Variants in INPP4B observed in about 807,000 individuals in gnomAD.
The protein encoded by INPP4B is inositol polyphosphate-4-phosphatase type II B.
A neutral mutation model predicts 122.5 loss-of-function variants in INPP4B; 55 were observed. The ratio of observed to expected loss-of-function variants is 0.45; its 90% CI spans 0.36 to 0.56. INPP4B has a LOEUF of 0.56. INPP4B is among the 20% of genes least tolerant of loss of function. The probability of loss-of-function intolerance (pLI) is 0.00; values close to 1 mark genes in which losing one functional copy is unlikely to be tolerated. For missense variants in INPP4B, 1,000 were observed against 1,097.7 expected (o/e 0.91, Z 1.26); for synonymous variants, 403 against 388.7 (o/e 1.04, Z -0.43).
chr4:142,639,031 C>T (rs938561583), intron 2 of INPP4B, among the ~76,000 whole-genome samples: 3 of 152,138 alleles, frequency 2.0e-5, no homozygotes, highest in African/African-American at 7.2e-5. Context: ...CATCTAATGA[C>T]ATGATCATAT....
At chr4:142,743,676 G>T (rs1042851176) in intron 1 of INPP4B, among the ~76,000 whole-genome samples, 1 of 151,900 alleles carries the variant, frequency 6.6e-6, no homozygotes, top group African/African-American at 2.4e-5. Context: ...TGGAGATAAT[G>T]AGCTAAAGTA....
chr4:142,480,203 T>G (rs1820338818), intron 2 of INPP4B, among the ~76,000 whole-genome samples: 1 of 152,224 alleles, frequency 6.6e-6, no homozygotes, highest in African/African-American at 2.4e-5. Context: ...TTGTTCAAAT[T>G]GTTTTTAGTT....
At chr4:142,259,006 A>G (rs374936201) in intron 11 of INPP4B, among the ~76,000 whole-genome samples, 3 of 152,048 alleles carry the variant, frequency 2.0e-5, no homozygotes, top group East Asian at 1.9e-4. Context: ...CATATACACC[A>G]TGGAATACTA....
rs148277066 is a variant in INPP4B, at chr4:142,530,673, A to G, written c.-190-67947T>C. 2.7e-3 allele frequency among the ~76,000 whole-genome samples: 408 copies of G among 152,048 alleles called. 1 individual carries two copies. The highest frequency in any genetic ancestry group is 9.6e-3 in the African/African-American group (399 of 41,502). On this transcript the variant is annotated intron_variant, in intron 2 of 25. Transcript: ENST00000262992. ...CAATTTGATGGCTGCTGTTTTAGAT[A>G]GGGTGTTCATCATAGGTCTCTCTGA...
chr4:142,523,618 G>A (rs77415527), intron 2 of INPP4B, among the ~76,000 whole-genome samples: 3,980 of 151,884 alleles, frequency 0.026, 167 homozygotes, highest in African/African-American at 0.09. Flanking sequence ...CTCTCCTCCT[G>A]CTTTTAGCTT....
intron 1 of INPP4B, among the ~76,000 whole-genome samples, chr4:142,772,704 TG>T (rs1561052162): frequency 6.6e-6 from 1 of 152,144 alleles, no homozygotes; most frequent in Non-Finnish European, 1.5e-5. Flanking sequence ...CAAAGGAGTG[TG>T]GGTAATGTAT....
intron 25 of INPP4B, among the ~76,000 whole-genome samples, chr4:142,076,379 T>A (rs1316498338): frequency 6.6e-6 from 1 of 152,040 alleles, no homozygotes; most frequent in Non-Finnish European, 1.5e-5. Context: ...CTAACATGAT[T>A]TCTAAGATGT....
intron 1 of INPP4B, among the ~76,000 whole-genome samples, chr4:142,737,237 C>T (rs1004495521): frequency 6.6e-6 from 1 of 152,134 alleles, no homozygotes; most frequent in Non-Finnish European, 1.5e-5. Flanking sequence ...GTAACCAAAA[C>T]AGCATGGTAC....
intron 12 of INPP4B, among the ~76,000 whole-genome samples, chr4:142,210,197 C>T (rs939120002): frequency 1.3e-5 from 2 of 152,172 alleles, no homozygotes; most frequent in Admixed American, 6.5e-5. Context: ...AATAAATTCA[C>T]GAGCTGTAGA....
At chr4:142,488,557 C>A (rs116498202) in intron 2 of INPP4B, among the ~76,000 whole-genome samples, 1 of 152,078 alleles carries the variant, frequency 6.6e-6, no homozygotes, top group African/African-American at 2.4e-5. Flanking sequence ...AATTTGTTTA[C>A]CAGTTACAGG....
rs1782618140 is a variant in INPP4B, at chr4:142,353,542, C to T, written c.373-38780G>A. Among the ~76,000 whole-genome samples the T allele has an allele frequency of 2.0e-5, 3 of 152,156 alleles. No individual in the cohort carries two copies. In the South Asian group the frequency reaches 6.2e-4, roughly 32 times the overall value. On this transcript the variant is annotated intron_variant, in intron 7 of 25. Transcript: ENST00000262992. ...TCCATAGGTGGCAATCAGACTAAATCTCTGCCCTGGCAAACTACTTTTTCT... is the reference window on the plus strand; with the variant it reads ...TCCATAGGTGGCAATCAGACTAAATTTCTGCCCTGGCAAACTACTTTTTCT...
chr4:142,305,973 T>A, intron 8 of INPP4B: 1 of 964,234 alleles, frequency 1.0e-6, no homozygotes, highest in Non-Finnish European at 1.2e-6. Flanking sequence ...GAGCTATTTT[T>A]ATGTGGGACT....
chr4:142,460,421 C>T (rs1482101927), intron 3 of INPP4B, among the ~76,000 whole-genome samples: 1 of 152,134 alleles, frequency 6.6e-6, no homozygotes, highest in Non-Finnish European at 1.5e-5. Context: ...AGATAACATG[C>T]TCCCCAGATG....
At chr4:142,210,508 T>C (rs941307471) in intron 12 of INPP4B, among the ~76,000 whole-genome samples, 4 of 150,402 alleles carry the variant, frequency 2.7e-5, no homozygotes, top group African/African-American at 9.8e-5. Context: ...GATTGGGGAG[T>C]TGAATTCTGT....
chr4:142,352,649 A>C (rs1477621733), intron 7 of INPP4B, among the ~76,000 whole-genome samples: 3 of 151,976 alleles, frequency 2.0e-5, no homozygotes, highest in African/African-American at 7.2e-5. Context: ...AACAGAGAAC[A>C]AAGTAAGAAA....
intron 1 of INPP4B, among the ~76,000 whole-genome samples, chr4:142,833,927 G>A (rs761979261): frequency 1.4e-4 from 21 of 151,956 alleles, no homozygotes; most frequent in Non-Finnish European, 2.9e-4. Context: ...CCAAATAATT[G>A]CTCAAATAAT....
chr4:142,648,006 AC>A (rs1752162295), intron 2 of INPP4B, among the ~76,000 whole-genome samples: 1 of 152,152 alleles, frequency 6.6e-6, no homozygotes, highest in Non-Finnish European at 1.5e-5. Flanking sequence ...TCCGAGTTCA[AC>A]TCTAAACTTC....
At chr4:142,336,061 C>A (rs186719832) in intron 7 of INPP4B, among the ~76,000 whole-genome samples, 19 of 152,354 alleles carry the variant, frequency 1.2e-4, no homozygotes, top group African/African-American at 4.6e-4. Context: ...AAACCCCAGA[C>A]TCAGCTACCC....
chr4:142,035,061 G>A (rs1024856895), intron 25 of INPP4B, among the ~76,000 whole-genome samples: 29 of 152,014 alleles, frequency 1.9e-4, no homozygotes, highest in African/African-American at 6.8e-4. Context: ...TCCCTGTCTC[G>A]CTCATCTTCC....
Sources: gnomAD v4.1 joint callset for allele counts (sites outside exome capture counted in the v4.1 genomes callset) on GRCh38, gnomAD v4.1.1 for gene constraint, MANE v1.5 for transcripts, NCBI Gene and HGNC (gene_info 2026-07-23, HGNC 2026-07-21) for gene names.